CDH13: variants seen among roughly 807,000 people sequenced by gnomAD.
The protein encoded by CDH13 is cadherin 13, also known as cadherin-13.
In CDH13, 24 loss-of-function variants were observed where a neutral mutation model predicts 63.8. The ratio of observed to expected loss-of-function variants is 0.38; its 90% confidence interval spans 0.27 to 0.53. The LOEUF is 0.53. Ranked by LOEUF, CDH13 falls within the 20% of genes least tolerant of loss-of-function variation. The pLI is 0.85. For synonymous variants in CDH13, 503 were observed against 355.3 expected (o/e 1.42, Z -4.67); for missense variants, 1,049 against 903.1 (o/e 1.16, Z -2.07).
At position 83,108,407 on chromosome 16, in the gene CDH13, A is replaced by T. The variant is rs78852858; in HGVS notation, c.367-16978A>T. Among the ~76,000 whole-genome samples, 957 of 152,328 alleles carry T rather than the reference A, an allele frequency of 6.3e-3. 11 individuals are homozygous for T. Among genetic ancestry groups the T allele is most frequent in the African/African-American group, 0.022 (908 of 41,572 alleles). ...TCACAGCCACATAAAAGGGTGAGAA[A>T]CAGAAGTTATTGGACAAAAAGGAAT... On this transcript the variant is annotated intron_variant, in intron 3 of 13. Coordinates refer to ENST00000567109, the MANE Select transcript of CDH13 (RefSeq NM_001257.5).
intron 10 of CDH13, among the ~76,000 whole-genome samples, chr16:83,690,300 C>T (rs1034586955): frequency 3.3e-5 from 5 of 152,058 alleles, no homozygotes; most frequent in African/African-American, 1.2e-4. Context: ...AGAAAGGAAG[C>T]AGAGAAGGAA....
chr16:82,984,893 C>T (rs955870580), intron 2 of CDH13, among the ~76,000 whole-genome samples: 2 of 152,170 alleles, frequency 1.3e-5, no homozygotes, highest in African/African-American at 4.8e-5. Context: ...ACTGCTTTTA[C>T]CCTGGGACTT....
At chr16:82,701,122 A>C (rs1567642014) in intron 1 of CDH13, among the ~76,000 whole-genome samples, 1 of 152,036 alleles carries the variant, frequency 6.6e-6, no homozygotes, top group Non-Finnish European at 1.5e-5. Flanking sequence ...CTCAATGTCC[A>C]AAGTTAGAAA....
chr16:83,595,825 C>A (rs1391983805), intron 7 of CDH13, among the ~76,000 whole-genome samples: 1 of 152,188 alleles, frequency 6.6e-6, no homozygotes, highest in African/African-American at 2.4e-5. Flanking sequence ...ACATTGTTTT[C>A]ACCACAAGTT....
chr16:83,127,686 C>G (rs569507785), intron 4 of CDH13, among the ~76,000 whole-genome samples: 1 of 152,164 alleles, frequency 6.6e-6, no homozygotes, highest in Admixed American at 6.5e-5. Flanking sequence ...GGGATCATGC[C>G]AGTGTACTCC....
intron 2 of CDH13, among the ~76,000 whole-genome samples, chr16:82,901,971 G>T (rs530258776): frequency 6.6e-6 from 1 of 152,320 alleles, no homozygotes; most frequent in Non-Finnish European, 1.5e-5. Flanking sequence ...CACTTTCTCT[G>T]AGATAAAGCT....
chr16:83,750,436 C>A (rs1912983587), intron 11 of CDH13, among the ~76,000 whole-genome samples: 1 of 152,182 alleles, frequency 6.6e-6, no homozygotes, highest in South Asian at 2.1e-4. Context: ...TTTACTTTAA[C>A]AATTGATATG....
At chr16:82,662,612 T>C (rs942882503) in intron 1 of CDH13, among the ~76,000 whole-genome samples, 3 of 152,252 alleles carry the variant, frequency 2.0e-5, no homozygotes, top group African/African-American at 7.2e-5. Context: ...ACCCTGCTTT[T>C]CCTGAATGTC....
chr16:83,340,305 A>AGTGT (rs147527566), intron 5 of CDH13, among the ~76,000 whole-genome samples: 11,581 of 149,844 alleles, frequency 0.077, 798 homozygotes, highest in African/African-American at 0.18. Context: ...CCTACATCTG[A>AGTGT]GTGTGTGTGT....
chr16:83,131,446 C>T (rs911229121), intron 4 of CDH13, among the ~76,000 whole-genome samples: 2 of 152,116 alleles, frequency 1.3e-5, no homozygotes, highest in African/African-American at 4.8e-5. Flanking sequence ...GAGGAACATG[C>T]AGATCCCAAA....
At chr16:83,520,975 C>T (rs2074818807) in intron 7 of CDH13, among the ~76,000 whole-genome samples, 1 of 152,010 alleles carries the variant, frequency 6.6e-6, no homozygotes, top group East Asian at 1.9e-4. Context: ...TCAACCATCG[C>T]CTCCCAAACT....
At chr16:83,680,136 C>T (rs1408027834) in intron 10 of CDH13, among the ~76,000 whole-genome samples, 4 of 152,214 alleles carry the variant, frequency 2.6e-5, no homozygotes, top group Non-Finnish European at 1.5e-5. Flanking sequence ...GGAGCTAGGG[C>T]ATCCTTCAGG....
chr16:83,266,919 A>G (rs1037269856), intron 5 of CDH13, among the ~76,000 whole-genome samples: 1 of 152,118 alleles, frequency 6.6e-6, no homozygotes, highest in Non-Finnish European at 1.5e-5. Context: ...TCTACCTCTC[A>G]GCTGAGCCCT....
intron 6 of CDH13, among the ~76,000 whole-genome samples, chr16:83,482,116 G>C (rs1033209286): frequency 2.0e-5 from 3 of 152,200 alleles, no homozygotes; most frequent in African/African-American, 7.2e-5. Context: ...AAAATCTCCA[G>C]GCACGTTGCT....
chr16:83,487,658 T>C (rs1271632876), intron 7 of CDH13, among the ~76,000 whole-genome samples: 1 of 152,160 alleles, frequency 6.6e-6, no homozygotes, highest in Non-Finnish European at 1.5e-5. Flanking sequence ...CCTGCTACCA[T>C]TCTGGAATTC....
intron 6 of CDH13, among the ~76,000 whole-genome samples, chr16:83,442,809 G>C (rs2072518711): frequency 6.6e-6 from 1 of 152,242 alleles, no homozygotes; most frequent in Non-Finnish European, 1.5e-5. Flanking sequence ...AACATCCAGT[G>C]ATGTGCACTT....
intron 5 of CDH13, among the ~76,000 whole-genome samples, chr16:83,225,045 A>T (rs2039800779): frequency 6.6e-6 from 1 of 152,126 alleles, no homozygotes; most frequent in Non-Finnish European, 1.5e-5. Context: ...TCACCTGGGA[A>T]CTTGTTAGAG....
intron 2 of CDH13, among the ~76,000 whole-genome samples, chr16:82,970,020 G>T (rs1908469839): frequency 6.6e-6 from 1 of 151,836 alleles, no homozygotes; most frequent in South Asian, 2.1e-4. Flanking sequence ...CACGTGCTAT[G>T]GTGGTTTGCT....
intron 6 of CDH13, 80 bp from the exon 7 acceptor site, chr16:83,486,397 A>T: frequency 8.2e-7 from 1 of 1,226,210 alleles, no homozygotes; most frequent in Non-Finnish European, 1.2e-6. Context: ...CTGCACTGCT[A>T]TTGCCCAGGT....
Sources: gnomAD v4.1 joint callset for allele counts (sites outside exome capture counted in the v4.1 genomes callset) on GRCh38, gnomAD v4.1.1 for gene constraint, MANE v1.5 for transcripts, NCBI Gene and HGNC (gene_info 2026-07-23, HGNC 2026-07-21) for gene names.